TMEM51: variants seen among roughly 807,000 people sequenced by gnomAD.
The protein encoded by TMEM51 is chromosome 1 open reading frame 72.
In TMEM51, 8 loss-of-function variants were observed where a neutral mutation model predicts 13.6. The ratio of observed to expected loss-of-function variants is 0.59; its 90% CI spans 0.35 to 1.07. The LOEUF is 1.07. Ranked by LOEUF, TMEM51 falls within the 50% of genes least tolerant of loss-of-function variation. The pLI is 0.02. For missense variants in TMEM51, 279 were observed against 330.7 expected (o/e 0.84, Z 1.21); for synonymous variants, 147 against 144.4 (o/e 1.02, Z -0.13).
intron 1 of TMEM51, among the ~76,000 whole-genome samples, chr1:15,160,338 A>G (rs887453361): frequency 2.0e-5 from 3 of 152,120 alleles, no homozygotes; most frequent in African/African-American, 7.2e-5. Flanking sequence ...CAGTGGTGCA[A>G]TCTTGGCTCA....
rs139700316 is a variant in TMEM51, at chr1:15,207,765, C to T, written c.-266-2725C>T. ...GCCAGGCAACCGCTGAAACCTCCAG[C>T]CCCACCAGGGAATACTGATACAGTC... On this transcript the variant is annotated intron_variant, in intron 1 of 3. Coordinates refer to ENST00000376008, the MANE Select transcript of TMEM51 (RefSeq NM_001136218.2). The surrounding 1 kb of genome is among the most constrained non-coding windows in gnomAD (Gnocchi z 4.6). Among the ~76,000 whole-genome samples, 62 of 152,354 alleles carry T rather than the reference C, an allele frequency of 4.1e-4. No homozygotes were observed. Among genetic ancestry groups the T allele is most frequent in the Non-Finnish European group, 6.3e-4 (43 of 68,034 alleles).
chr1:15,191,836 G>T, intron 1 of TMEM51: 1 of 483,808 alleles, frequency 2.1e-6, no homozygotes, highest in Non-Finnish European at 4.2e-6. Flanking sequence ...CCAAACCAGT[G>T]CCAGCTATTA....
rs1301939639 is a variant in TMEM51 at position 15,214,960 on chromosome 1, C to T, written c.-128C>T. The T allele has an allele frequency of 5.4e-6, 5 of 918,412 alleles. No homozygotes were observed. The highest frequency in any genetic ancestry group is 8.0e-6 in the Non-Finnish European group (5 of 623,204). The allele number at this position is 918,412 out of a possible 1,614,324, so 56.9% of individuals were successfully genotyped here. ...TGCTCGGAACCATCCCGCAGGAGTT[C>T]AGCTGATATTTTCTAGTGTGGGGCG... On this transcript the variant is annotated 5_prime_UTR_variant, in exon 3 of 4. The change creates a premature stop within an existing upstream ORF in the 5' untranslated region. Transcript: ENST00000376008.
intron 1 of TMEM51, among the ~76,000 whole-genome samples, chr1:15,173,668 A>T (rs1643367900): frequency 7.3e-6 from 1 of 137,026 alleles, no homozygotes. Context: ...AATTTCACAA[A>T]CTCCATCTAA....
intron 1 of TMEM51, among the ~76,000 whole-genome samples, chr1:15,170,729 G>A (rs914564284): frequency 3.1e-4 from 47 of 152,058 alleles, no homozygotes; most frequent in African/African-American, 1.1e-3. Context: ...CAGAAATGGA[G>A]GCAGGTTTTC....
chr1:15,154,045 T>C (rs1423828257), intron 1 of TMEM51, 91 bp downstream of exon 1: 1 of 152,028 alleles, frequency 6.6e-6, no homozygotes, highest in African/African-American at 2.4e-5. Flanking sequence ...CGAGGCCCGT[T>C]TGGGTCTCCT....
At chr1:15,191,423 T>G (rs1358206201) in intron 1 of TMEM51, among the ~76,000 whole-genome samples, 2 of 152,212 alleles carry the variant, frequency 1.3e-5, no homozygotes, top group African/African-American at 4.8e-5. Context: ...CAGCCCTTCT[T>G]GGGGCGGTGG....
Position 15,157,886 on chromosome 1 carries a change from G to A in TMEM51, c.-267+3932G>A, listed in dbSNP as rs1573365318. On this transcript the variant is annotated intron_variant, in intron 1 of 3. Transcript: ENST00000376008. ...AGCAGATGACATCGTGAAGGCTGGC[G>A]ACCACTGTTAATATGGTGGCGTTTT... 2.6e-5 allele frequency among the ~76,000 whole-genome samples: 4 copies of A among 152,312 alleles called. 1 individual carries two copies. Among genetic ancestry groups the A allele is most frequent in the Non-Finnish European group, 4.4e-5 (3 of 68,026 alleles).
Position 15,219,621 on chromosome 1 carries a change from A to G in TMEM51, c.640A>G (p.Lys214Glu). 1 of 1,614,068 alleles carries G rather than the reference A, an allele frequency of 6.2e-7. No homozygotes were observed. The highest frequency in any genetic ancestry group is 8.5e-7 in the Non-Finnish European group (1 of 1,180,042). The change falls in exon 4 of 4, where the codon AAA becomes GAA. Residue 214 changes from lysine (K) to glutamate (E), a missense_variant. Lys to Glu is a moderately conservative substitution (Grantham distance 56). Coordinates refer to ENST00000376008, the MANE Select transcript of TMEM51 (RefSeq NM_001136218.2). ...GATTAAATCTGAAAAGCTTCACCTC[A>G]AAGACTTTAGGATCAACCTCCCAGA... ...RRIKSEKLHL[K>E]DFRINLPDKN...
In TMEM51 at chr1:15,186,384, A is replaced by G. The variant is rs115059958; in HGVS notation, c.-266-24106A>G. ...AGTGAGGAATAACAGTCTACCCCAG[A>G]ATGGCAGCAGTGAAAACAGAAAAGG... On this transcript the variant is annotated intron_variant, in intron 1 of 3. Transcript: ENST00000376008. Among the ~76,000 whole-genome samples the G allele has an allele frequency of 2.1e-3, 325 of 152,306 alleles. 2 individuals carry two copies. Among genetic ancestry groups the G allele is most frequent in the African/African-American group, 7.5e-3 (313 of 41,564 alleles).
At chr1:15,173,987 G>T (rs376094122) in intron 1 of TMEM51, among the ~76,000 whole-genome samples, 4 of 152,298 alleles carry the variant, frequency 2.6e-5, no homozygotes, top group African/African-American at 9.6e-5. Context: ...TCTGATAAAG[G>T]GAGTGGTAAC....
chr1:15,172,255 G>C (rs551184470), intron 1 of TMEM51, among the ~76,000 whole-genome samples: 9 of 152,006 alleles, frequency 5.9e-5, no homozygotes, highest in African/African-American at 2.2e-4. Context: ...ATGGTGACAC[G>C]TGCCTGTAGT....
rs535529235 is a variant in TMEM51 at position 15,220,307 on chromosome 1, G to A, written c.*564G>A. On this transcript the variant is annotated 3_prime_UTR_variant, in exon 4 of 4. Coordinates refer to ENST00000376008, the MANE Select transcript of TMEM51 (RefSeq NM_001136218.2). ...GTTGTTCTTTGAGGGCTTAAGGCCT[G>A]ATGAACGTAGGCACGTGATGCATAA... The A allele has an allele frequency of 6.6e-6, 1 of 151,216 alleles. No individual in the cohort carries two copies. Among genetic ancestry groups the A allele is most frequent in the Non-Finnish European group, 1.5e-5 (1 of 68,686 alleles). The allele number at this position is 151,216 out of a possible 1,614,324, so 9.4% of individuals were successfully genotyped here. A position where few individuals can be genotyped will look rare whatever the true frequency, so the allele number is the denominator to read the frequency against.
At chr1:15,193,928 A>G (rs2100285309) in intron 1 of TMEM51, among the ~76,000 whole-genome samples, 1 of 152,346 alleles carries the variant, frequency 6.6e-6, no homozygotes. Context: ...CCTACATCCC[A>G]CAGACTCCAA....
intron 1 of TMEM51, chr1:15,168,494 A>G: frequency 1.5e-6 from 2 of 1,303,200 alleles, no homozygotes; most frequent in Non-Finnish European, 2.0e-6. Context: ...AATTTTATGT[A>G]TTATTGCCCC....
At chr1:15,165,993 CAAA>C (rs964033784) in intron 1 of TMEM51, among the ~76,000 whole-genome samples, 8 of 151,918 alleles carry the variant, frequency 5.3e-5, no homozygotes, top group African/African-American at 1.7e-4. Context: ...TTGTAAAAAA[CAAA>C]AAAGTATTTT....
At chr1:15,217,869 T>C (rs974015580) in intron 3 of TMEM51, among the ~76,000 whole-genome samples, 1 of 152,228 alleles carries the variant, frequency 6.6e-6, no homozygotes, top group African/African-American at 2.4e-5. Flanking sequence ...CAGTGTTTAA[T>C]ATGGGCAACC....
At chr1:15,199,888 C>T (rs1018076135) in intron 1 of TMEM51, among the ~76,000 whole-genome samples, 5 of 152,082 alleles carry the variant, frequency 3.3e-5, no homozygotes, top group Non-Finnish European at 1.5e-5. Flanking sequence ...AAGTGGGGAC[C>T]GTAGCACTTC....
chr1:15,155,065 C>T (rs1226519772), intron 1 of TMEM51, among the ~76,000 whole-genome samples: 1 of 152,194 alleles, frequency 6.6e-6, no homozygotes, highest in Non-Finnish European at 1.5e-5. Flanking sequence ...TTTCACACCC[C>T]GGAAACCTGT....
Sources: gnomAD v4.1 joint callset for allele counts (sites outside exome capture counted in the v4.1 genomes callset) on GRCh38, gnomAD v4.1.1 for gene constraint, Gnocchi (gnomAD v3.1) non-coding constraint, MANE v1.5 for transcripts, NCBI Gene and HGNC (gene_info 2026-07-23, HGNC 2026-07-21) for gene names.